The following TMEM135 variants were observed in gnomAD, a reference collection of about 807,000 sequenced individuals.
TMEM135 encodes transmembrane protein 135.
A neutral mutation model predicts 60.3 loss-of-function variants in TMEM135; 30 were observed. The ratio of observed to expected loss-of-function variants is 0.50; its 90% CI spans 0.37 to 0.68. TMEM135 has a LOEUF of 0.68. Among genes scored for constraint, TMEM135 ranks in the 30% least tolerant of loss-of-function variants. The pLI is 0.00. For missense variants in TMEM135, 468 were observed against 548.8 expected (o/e 0.85, Z 1.47); for synonymous variants, 190 against 186.7 (o/e 1.02, Z -0.14).
At chr11:87,132,109 C>T (rs1211950564) in intron 4 of TMEM135, among the ~76,000 whole-genome samples, 1 of 152,082 alleles carries the variant, frequency 6.6e-6, no homozygotes, top group Non-Finnish European at 1.5e-5. Context: ...TTATTTATTT[C>T]ATCATATATT....
chr11:87,258,570 A>C (rs1941579294), intron 6 of TMEM135, among the ~76,000 whole-genome samples: 1 of 152,198 alleles, frequency 6.6e-6, no homozygotes, highest in Non-Finnish European at 1.5e-5. Context: ...TCTTCCAGTT[A>C]GGAGCAATTT....
chr11:87,095,669 G>A (rs1171515748), intron 4 of TMEM135: 1 of 186,418 alleles, frequency 5.4e-6, no homozygotes, highest in African/African-American at 2.4e-5. Flanking sequence ...TGCAGGTTTT[G>A]TGTCACTATT....
chr11:87,178,464 C>T, intron 5 of TMEM135: 1 of 456,130 alleles, frequency 2.2e-6, no homozygotes, highest in Non-Finnish European at 4.4e-6. Context: ...GAGATGGAGT[C>T]TCACTGTCTT....
intron 4 of TMEM135, among the ~76,000 whole-genome samples, chr11:87,136,460 T>G (rs1938103547): frequency 6.6e-6 from 1 of 152,084 alleles, no homozygotes; most frequent in Non-Finnish European, 1.5e-5. Context: ...TGTGTAGTTT[T>G]CTTGTTAATG....
chr11:87,085,207 T>C (rs1012526689), intron 3 of TMEM135, among the ~76,000 whole-genome samples: 5 of 152,122 alleles, frequency 3.3e-5, no homozygotes, highest in African/African-American at 9.7e-5. Context: ...TGTCAAAGAG[T>C]GTGGCTCTAT....
intron 5 of TMEM135, among the ~76,000 whole-genome samples, chr11:87,223,035 A>G (rs1591115950): frequency 6.6e-6 from 1 of 152,162 alleles, no homozygotes; most frequent in African/African-American, 2.4e-5. Flanking sequence ...TTGATAGGTT[A>G]TGGTCAGTTG....
rs1485573519 is a variant in TMEM135 at position 87,063,647 on chromosome 11, C to T, written c.142-4047C>T. ...AGGCAGTGGTCACCCTGCCCTGTTA[C>T]CTTGTGTCTGGCCTGGCTAACTAGA... On this transcript the variant is annotated intron_variant, in intron 1 of 14. Coordinates refer to ENST00000305494, the MANE Select transcript of TMEM135 (RefSeq NM_022918.4). 2.0e-5 allele frequency among the ~76,000 whole-genome samples: 3 copies of T among 152,154 alleles called. 1 individual carries two copies. The East Asian group carries it at 5.8e-4, about 29-fold the overall frequency.
intron 5 of TMEM135, among the ~76,000 whole-genome samples, 187 bp from the exon 6 acceptor site, chr11:87,236,451 C>G (rs1001400621): frequency 6.6e-6 from 1 of 151,930 alleles, no homozygotes; most frequent in African/African-American, 2.4e-5. Flanking sequence ...GCTCATGCAG[C>G]CTGCAGGCTG....
intron 3 of TMEM135, among the ~76,000 whole-genome samples, chr11:87,075,501 C>T (rs1856853507): frequency 6.6e-6 from 1 of 152,136 alleles, no homozygotes; most frequent in African/African-American, 2.4e-5. Context: ...CTGTGTAGCC[C>T]AGGCTGGGCC....
chr11:87,257,037 G>A (rs1018279618), intron 6 of TMEM135, among the ~76,000 whole-genome samples: 1 of 152,100 alleles, frequency 6.6e-6, no homozygotes, highest in Non-Finnish European at 1.5e-5. Flanking sequence ...CCTAGAAATG[G>A]ATTCTTATAC....
intron 4 of TMEM135, among the ~76,000 whole-genome samples, chr11:87,111,814 T>A (rs1857759873): frequency 6.6e-6 from 1 of 152,168 alleles, no homozygotes; most frequent in African/African-American, 2.4e-5. Flanking sequence ...AAGCACCCTG[T>A]TAAATAGGCA....
intron 4 of TMEM135, among the ~76,000 whole-genome samples, chr11:87,130,709 C>T (rs1937901152): frequency 6.6e-6 from 1 of 151,914 alleles, no homozygotes; most frequent in Non-Finnish European, 1.5e-5. Flanking sequence ...GATAAGTTGC[C>T]CAGGCTGGTC....
intron 1 of TMEM135, among the ~76,000 whole-genome samples, chr11:87,055,585 T>G (rs922101178): frequency 6.6e-6 from 1 of 152,114 alleles, no homozygotes. Flanking sequence ...GTCTGAGAAG[T>G]TAAGCATCTT....
chr11:87,132,917 T>C (rs888334999), intron 4 of TMEM135, among the ~76,000 whole-genome samples: 2 of 152,210 alleles, frequency 1.3e-5, no homozygotes, highest in African/African-American at 4.8e-5. Context: ...AAAGCCGTTA[T>C]AACAATATGC....
At chr11:87,100,806 A>G (rs552269861) in intron 4 of TMEM135, among the ~76,000 whole-genome samples, 3 of 152,160 alleles carry the variant, frequency 2.0e-5, no homozygotes, top group Non-Finnish European at 2.9e-5. Flanking sequence ...AGGTTGCAGT[A>G]AGCCAAGATT....
intron 4 of TMEM135, among the ~76,000 whole-genome samples, chr11:87,117,150 C>T (rs1469267065): frequency 6.6e-6 from 1 of 152,038 alleles, no homozygotes; most frequent in African/African-American, 2.4e-5. Flanking sequence ...AAAGTACACA[C>T]ATTAATTAAA....
At chr11:87,098,058 A>C (rs1186054984) in intron 4 of TMEM135, among the ~76,000 whole-genome samples, 3 of 152,134 alleles carry the variant, frequency 2.0e-5, no homozygotes, top group Non-Finnish European at 4.4e-5. Context: ...CTAGAACAGT[A>C]CCTAAAATGT....
intron 5 of TMEM135, among the ~76,000 whole-genome samples, chr11:87,214,349 C>T (rs1031675731): frequency 3.9e-5 from 6 of 152,128 alleles, no homozygotes; most frequent in African/African-American, 1.4e-4. Flanking sequence ...CTTCCATGTA[C>T]TCAATCAGTC....
intron 4 of TMEM135, among the ~76,000 whole-genome samples, chr11:87,108,922 G>A (rs1375486524): frequency 6.6e-6 from 1 of 152,174 alleles, no homozygotes; most frequent in African/African-American, 2.4e-5. Flanking sequence ...GTATAAAAGG[G>A]AAAGAGCTTT....
Sources: allele counts gnomAD v4.1 joint callset (sites outside exome capture counted in the v4.1 genomes callset), GRCh38; gene constraint gnomAD v4.1.1; transcripts MANE v1.5; gene names NCBI Gene and HGNC (gene_info 2026-07-23, HGNC 2026-07-21).